The following CMPK2 variants were observed in gnomAD, a reference collection of about 807,000 sequenced individuals.
CMPK2 encodes cytidine/uridine monophosphate kinase 2, also known as UMP-CMP kinase 2, mitochondrial.
A neutral mutation model predicts 33.4 loss-of-function variants in CMPK2; 32 were observed. The ratio of observed to expected loss-of-function variants is 0.96; its 90% CI spans 0.72 to 1.29. The LOEUF (loss-of-function observed/expected upper bound fraction) is 1.29, where lower values mean the gene tolerates loss of function less well. CMPK2 is among the 50% of genes most tolerant of loss of function. The pLI is 0.00. For missense variants in CMPK2, 672 were observed against 616.0 expected (o/e 1.09, Z -0.96); for synonymous variants, 299 against 275.3 (o/e 1.09, Z -0.85).
chr2:6,849,690 G>C lies in CMPK2; in HGVS notation c.*160C>G. ...ATGACGGGTCCATCAGTCAGAAGAG[G>C]GTACGATGGCTGAAGTAAAATTAAG... On this transcript the variant is annotated 3_prime_UTR_variant, in exon 5 of 5. Coordinates refer to ENST00000256722, the MANE Select transcript of CMPK2 (RefSeq NM_207315.4). The C allele has an allele frequency of 6.7e-7, 1 of 1,496,420 alleles. No individual in the cohort carries two copies. Among genetic ancestry groups the C allele is most frequent in the South Asian group, 1.4e-5 (1 of 71,260 alleles). 92.7% of individuals were successfully genotyped at this position (1,496,420 alleles called of 1,614,324 possible).
intron 2 of CMPK2, among the ~76,000 whole-genome samples, chr2:6,862,826 G>C (rs1662922873): frequency 6.6e-6 from 1 of 152,200 alleles, no homozygotes; most frequent in African/African-American, 2.4e-5. Context: ...CACAGGAGGA[G>C]AAACTCCTAC....
At chr2:6,857,276 T>C (rs946315761) in intron 3 of CMPK2, among the ~76,000 whole-genome samples, 1 of 152,072 alleles carries the variant, frequency 6.6e-6, no homozygotes, top group Non-Finnish European at 1.5e-5. Flanking sequence ...TTTCTTATAG[T>C]ATTTTTAAAG....
downstream of CMPK2, among the ~76,000 whole-genome samples, chr2:6,844,371 G>C (rs908213276): frequency 6.6e-6 from 1 of 152,160 alleles, no homozygotes; most frequent in Non-Finnish European, 1.5e-5. Context: ...TAATAAACTT[G>C]TCTTTTAAGA....
At chr2:6,866,122 G>C (rs183844820), upstream of CMPK2, 1,422 of 220,486 alleles carry the variant, frequency 6.4e-3, 11 homozygotes, top group African/African-American at 0.032. Context: ...CTTATGCCGG[G>C]TGCATGGAGG....
At chr2:6,847,482 G>A (rs533351385), downstream of CMPK2, among the ~76,000 whole-genome samples, 9 of 152,210 alleles carry the variant, frequency 5.9e-5, no homozygotes, top group Non-Finnish European at 1.0e-4. Flanking sequence ...TCTCCTATCT[G>A]TGCAGCCGTA....
In CMPK2 at chr2:6,858,102, T is replaced by G. The variant is rs551330294; in HGVS notation, c.992+3082A>C. Among the ~76,000 whole-genome samples, 3 of 152,330 alleles carry G rather than the reference T, an allele frequency of 2.0e-5. No individual in the cohort carries two copies. In the East Asian group the frequency reaches 5.8e-4, roughly 29 times the overall value. On this transcript the variant is annotated intron_variant, in intron 3 of 4. Coordinates refer to ENST00000256722, the MANE Select transcript of CMPK2 (RefSeq NM_207315.4). ...ACATTTACTATGTTCTCAGAACATA[T>G]AACATTTTCTAGTTGTCAGATATGT... is the stretch of plus-strand genomic sequence containing the variant.
rs1457606218 is a variant in CMPK2 at position 6,865,765 on chromosome 2, G to A, written c.-69C>T. ...AACCTGGCGGGAGCCAGGCGCCGGCGGGAAACGAAACCCGGAGGGAGCCAG... is the reference window on the plus strand; with the variant it reads ...AACCTGGCGGGAGCCAGGCGCCGGCAGGAAACGAAACCCGGAGGGAGCCAG... On this transcript the variant is annotated 5_prime_UTR_variant, in exon 1 of 5. Coordinates refer to ENST00000256722, the MANE Select transcript of CMPK2 (RefSeq NM_207315.4). The A allele has an allele frequency of 1.6e-6, 2 of 1,263,842 alleles. No homozygotes were observed. Among genetic ancestry groups the A allele is most frequent in the Non-Finnish European group, 2.0e-6 (2 of 1,004,960 alleles). The allele number at this position is 1,263,842 out of a possible 1,614,324, so 78.3% of individuals were successfully genotyped here. A position where few individuals can be genotyped will look rare whatever the true frequency, so the allele number is the denominator to read the frequency against.
At chr2:6,846,564 G>T (rs1662367787), downstream of CMPK2, among the ~76,000 whole-genome samples, 1 of 152,198 alleles carries the variant, frequency 6.6e-6, no homozygotes, top group South Asian at 2.1e-4. Flanking sequence ...GAAAGAAGAG[G>T]TTGGAGACAT....
chr2:6,847,139 CCGGCTGTCTT>C (rs2103215404), downstream of CMPK2, among the ~76,000 whole-genome samples: 1 of 152,170 alleles, frequency 6.6e-6, no homozygotes, highest in Admixed American at 6.5e-5. Flanking sequence ...GCTTAGTCTA[CCGGCTGTCTT>C]GGAGAAGGCA....
At chr2:6,856,403 G>A (rs143713486) in intron 3 of CMPK2, among the ~76,000 whole-genome samples, 2 of 152,260 alleles carry the variant, frequency 1.3e-5, no homozygotes, top group East Asian at 3.9e-4. Flanking sequence ...TGACTGGGTG[G>A]GGGCAGAACA....
chr2:6,851,837 A>G (rs953542159), intron 3 of CMPK2, among the ~76,000 whole-genome samples, 154 bp from the exon 4 acceptor site: 8 of 152,400 alleles, frequency 5.2e-5, no homozygotes, highest in Admixed American at 5.2e-4. Flanking sequence ...TATAAACTAA[A>G]AAAAGTTATA....
intron 3 of CMPK2, among the ~76,000 whole-genome samples, chr2:6,852,942 C>T (rs543918170): frequency 8.6e-5 from 13 of 151,962 alleles, no homozygotes; most frequent in Non-Finnish European, 1.8e-4. Flanking sequence ...TTCAAATTAC[C>T]ACCTTCAATC....
chr2:6,854,832 C>T (rs527549910), intron 3 of CMPK2, among the ~76,000 whole-genome samples: 1 of 152,194 alleles, frequency 6.6e-6, no homozygotes, highest in African/African-American at 2.4e-5. Flanking sequence ...CAACTCTTGA[C>T]AGTAGGCAGG....
At chr2:6,864,993 T>C in intron 1 of CMPK2, 29 bp downstream of exon 1, 1 of 1,400,268 alleles carries the variant, frequency 7.1e-7, no homozygotes. Context: ...GATGCCACGC[T>C]GGGAGCTGGA....
chr2:6,865,385 G>A lies in CMPK2; in HGVS notation c.312C>T (p.Arg104=), dbSNP rs1328102981. The change falls in exon 1 of 5, where the codon CGC becomes CGT. Residue 104 remains arginine (R), a synonymous_variant. Coordinates refer to ENST00000256722, the MANE Select transcript of CMPK2 (RefSeq NM_207315.4). ...GCAGCTGGCACCGCTGGAAGGGGCC[G>A]CGGCGCAGCTGGTGCAGCAGGCGCT... ...LHQRLLHQLR[R]GPFQRCQLLR... is the part of the protein sequence containing the mutation. 2.9e-6 allele frequency: 4 copies of A among 1,375,010 alleles called. No individual in the cohort carries two copies. The highest frequency in any genetic ancestry group is 3.0e-5 in the African/African-American group (2 of 65,592). 85.2% of individuals were successfully genotyped at this position (1,375,010 alleles called of 1,614,324 possible). A position where few individuals can be genotyped will look rare whatever the true frequency, so the allele number is the denominator to read the frequency against.
chr2:6,864,990 C>A, intron 1 of CMPK2, 32 bp downstream of exon 1: 2 of 1,399,652 alleles, frequency 1.4e-6, no homozygotes, highest in Non-Finnish European at 1.9e-6. Context: ...TCAGATGCCA[C>A]GCTGGGAGCT....
At chr2:6,855,433 A>G (rs2595169) in intron 3 of CMPK2, among the ~76,000 whole-genome samples, 83,079 of 151,554 alleles carry the variant, frequency 0.55, 23,638 homozygotes, top group South Asian at 0.76. Context: ...CATGCCTCCC[A>G]TATAGCCATG....
intron 2 of CMPK2, 47 bp downstream of exon 2, chr2:6,863,417 A>G: frequency 2.0e-6 from 3 of 1,488,520 alleles, no homozygotes; most frequent in Non-Finnish European, 2.8e-6. Context: ...TTCTGCAACT[A>G]ATCAGTTAGT....
In CMPK2 at chr2:6,849,643, C is replaced by T. The variant is rs911854304; in HGVS notation, c.*207G>A. Reference sequence around the variant, plus strand: ...AGCAATCGCTGGCCTCTCACTGGAACATGATGAGAGGGACCTTTGTGATGA... The same window carrying T: ...AGCAATCGCTGGCCTCTCACTGGAATATGATGAGAGGGACCTTTGTGATGA... On this transcript the variant is annotated 3_prime_UTR_variant, in exon 5 of 5. Transcript: ENST00000256722. 5 of 1,388,576 alleles carry T rather than the reference C, an allele frequency of 3.6e-6. No homozygotes were observed. Among genetic ancestry groups the T allele is most frequent in the Admixed American group, 6.6e-5 (2 of 30,100 alleles). 86.0% of individuals were successfully genotyped at this position (1,388,576 alleles called of 1,614,324 possible).
Sources: allele counts gnomAD v4.1 joint callset (sites outside exome capture counted in the v4.1 genomes callset), GRCh38; gene constraint gnomAD v4.1.1; transcripts MANE v1.5; gene names NCBI Gene and HGNC (gene_info 2026-07-23, HGNC 2026-07-21).